The following ITGA7 variants were observed in gnomAD, a reference collection of about 807,000 sequenced individuals.
The protein encoded by ITGA7 is integrin alpha-7.
Under a neutral mutation model 131.6 loss-of-function variants are expected in ITGA7, and 84 were observed. The observed-to-expected ratio is 0.64, with a 90% CI of 0.54 to 0.77. ITGA7 has a LOEUF of 0.77. ITGA7 is among the 30% of genes least tolerant of loss of function. The probability of loss-of-function intolerance (pLI) is 0.00; values close to 1 mark genes in which losing one functional copy is unlikely to be tolerated. For missense variants in ITGA7, 1,399 were observed against 1,482.9 expected (o/e 0.94, Z 0.93); for synonymous variants, 548 against 600.7 (o/e 0.91, Z 1.28).
rs756550161 is a variant in ITGA7, at chr12:55,694,407, A to AC, written c.2357+35dup. 2 of 1,612,108 alleles carry AC rather than the reference A, an allele frequency of 1.2e-6. No individual in the cohort carries two copies. Among genetic ancestry groups the AC allele is most frequent in the South Asian group, 2.2e-5 (2 of 91,042 alleles). The stretch of plus-strand genomic sequence containing the variant: ...GGGGTCAGATGAGGTCAATATGACT[A>AC]CCCCCACCTCACCCTTCCGGCCCCG... On this transcript the variant is annotated intron_variant, in intron 17 of 24. Coordinates refer to ENST00000257879, the MANE Select transcript of ITGA7 (RefSeq NM_002206.3). The surrounding 1 kb of genome is among the most constrained non-coding windows in gnomAD (Gnocchi z 5.3).
chr12:55,692,983 C>T lies in ITGA7; in HGVS notation c.2713-8G>A, dbSNP rs372485093. ...ATCCCTACTGTCCACATCCTGGACA[C>T]GGAAGGGGGGTCTTAGTGAGTGTCC... is the stretch of plus-strand genomic sequence containing the variant. On this transcript the variant is annotated splice_region_variant and splice_polypyrimidine_tract_variant and intron_variant, in intron 20 of 24. Coordinates refer to ENST00000257879, the MANE Select transcript of ITGA7 (RefSeq NM_002206.3). 1.3e-4 allele frequency: 216 copies of T among 1,613,954 alleles called. No individual in the cohort carries two copies. The highest frequency in any genetic ancestry group is 5.9e-4 in the African/African-American group (44 of 75,032).
chr12:55,689,948 T>C (rs1187649146), intron 21 of ITGA7, among the ~76,000 whole-genome samples: 1 of 152,216 alleles, frequency 6.6e-6, no homozygotes, highest in East Asian at 1.9e-4. Context: ...GATCCCTTCC[T>C]AACACCTTAT....
chr12:55,689,068 TC>T, intron 21 of ITGA7, 111 bp from the exon 22 acceptor site: 1 of 785,468 alleles, frequency 1.3e-6, no homozygotes, highest in Non-Finnish European at 2.2e-6. Context: ...CAGGAAGTCT[TC>T]TCAAACTAAT....
In ITGA7 at chr12:55,707,827, C is replaced by T; in HGVS notation, c.-145G>A. 2.1e-6 allele frequency: 3 copies of T among 1,456,732 alleles called. No homozygotes were observed. The highest frequency in any genetic ancestry group is 4.4e-5 in the Admixed American group (2 of 45,290). 90.2% of individuals were successfully genotyped at this position (1,456,732 alleles called of 1,614,324 possible). On this transcript the variant is annotated 5_prime_UTR_variant, in exon 1 of 25. Transcript: ENST00000257879. Reference sequence around the variant, plus strand: ...CAGACGTTCGCCCCGCCAGCCCTCCCGCCCGCCCGCCGCTCCGCCACCCCG... The same window carrying T: ...CAGACGTTCGCCCCGCCAGCCCTCCTGCCCGCCCGCCGCTCCGCCACCCCG...
chr12:55,685,041 G>A lies in ITGA7; in HGVS notation c.*17C>T. 1.3e-6 allele frequency: 2 copies of A among 1,559,924 alleles called. No homozygotes were observed. On this transcript the variant is annotated 3_prime_UTR_variant, in exon 25 of 25. Transcript: ENST00000257879. Reference sequence around the variant, plus strand: ...AGGGATGGAGGGCAGCCACAGGCCAGGCTGGGACATGGGAACCTAGGCGGT... The same window carrying A: ...AGGGATGGAGGGCAGCCACAGGCCAAGCTGGGACATGGGAACCTAGGCGGT...
Position 55,688,966 on chromosome 12 carries a change from A to G in ITGA7, c.2845-9T>C, listed in dbSNP as rs1870868892. The G allele has an allele frequency of 3.1e-6, 5 of 1,610,094 alleles. No homozygotes were observed. The highest frequency in any genetic ancestry group is 1.3e-5 in the African/African-American group (1 of 74,962). On this transcript the variant is annotated splice_polypyrimidine_tract_variant and intron_variant, in intron 21 of 24. Coordinates refer to ENST00000257879, the MANE Select transcript of ITGA7 (RefSeq NM_002206.3). Reference sequence around the variant, plus strand: ...GTGCCCCGGGCGCAGTCCTAGGGATAAGGACAGACAGGGGTCTAAGCCACT... The same window carrying G: ...GTGCCCCGGGCGCAGTCCTAGGGATGAGGACAGACAGGGGTCTAAGCCACT...
Position 55,707,676 on chromosome 12 carries a change from C to G in ITGA7, c.7G>C (p.Gly3Arg). The G allele has an allele frequency of 6.4e-7, 1 of 1,573,976 alleles. No homozygotes were observed. The highest frequency in any genetic ancestry group is 8.6e-7 in the Non-Finnish European group (1 of 1,159,502). Residue 3 changes from glycine to arginine, a missense_variant, in exon 1 of 25, where the codon GGG becomes CGG. By Grantham distance (125) the Gly-to-Arg change is moderately radical. Coordinates refer to ENST00000257879, the MANE Select transcript of ITGA7 (RefSeq NM_002206.3). ...CCCCAAGGGTCGCGGCTCCGAGCCC[C>G]GGCCATGGGACGATCCCTGCGCGAG... MAGARSRDPWGAS... is the reference protein window; with the variant it reads MARARSRDPWGAS...
intron 5 of ITGA7, 133 bp from the exon 6 acceptor site, chr12:55,699,050 C>G: frequency 1.2e-6 from 1 of 802,346 alleles, no homozygotes; most frequent in East Asian, 2.7e-5. Flanking sequence ...ACCCTGCCCC[C>G]TCCCCTAGGT....
At chr12:55,714,234 C>T (rs1340919458), upstream of ITGA7, among the ~76,000 whole-genome samples, 1 of 151,770 alleles carries the variant, frequency 6.6e-6, no homozygotes, top group Non-Finnish European at 1.5e-5. Flanking sequence ...AAAATTAGGC[C>T]GGGCGCGGTG....
At chr12:55,715,348 G>C (rs1472955969), upstream of ITGA7, among the ~76,000 whole-genome samples, 2 of 152,126 alleles carry the variant, frequency 1.3e-5, no homozygotes, top group East Asian at 3.8e-4. Flanking sequence ...GGTGCACCGA[G>C]AGAGATTGTA....
Position 55,695,557 on chromosome 12 carries a change from G to A in ITGA7, c.1968C>T (p.Thr656=). 1.2e-6 allele frequency: 2 copies of A among 1,613,876 alleles called. No individual in the cohort carries two copies. The highest frequency in any genetic ancestry group is 1.7e-6 in the Non-Finnish European group (2 of 1,179,926). Residue 656 remains threonine (T), a synonymous_variant, in exon 14 of 25, where the codon ACC becomes ACT. Coordinates refer to ENST00000257879, the MANE Select transcript of ITGA7 (RefSeq NM_002206.3). ...NLQLVRARFC[T]RVSDTEFQPL... Reference sequence around the variant, plus strand: ...GTTGGAATTCCGTGTCGCTGACCCGGGTACAGAAGCGGGCGCGGACCAGCT... The same window carrying A: ...GTTGGAATTCCGTGTCGCTGACCCGAGTACAGAAGCGGGCGCGGACCAGCT...
At chr12:55,712,097 AATTCTGGT>A, upstream of ITGA7, 1 of 1,551,512 alleles carries the variant, frequency 6.4e-7, no homozygotes, top group Admixed American at 2.0e-5. Flanking sequence ...CCTGCCTCTG[AATTCTGGT>A]TGTAGTCAAA....
intron 8 of ITGA7, 29 bp from the exon 9 acceptor site, chr12:55,697,851 A>C: frequency 6.2e-7 from 1 of 1,613,966 alleles, no homozygotes; most frequent in Non-Finnish European, 8.5e-7. Context: ...GCCTCCCTCA[A>C]TCCCACCTCC....
intron 21 of ITGA7, among the ~76,000 whole-genome samples, chr12:55,690,711 T>G (rs1390279118): frequency 2.0e-5 from 3 of 147,042 alleles, no homozygotes; most frequent in Non-Finnish European, 4.5e-5. Flanking sequence ...AGCAAAGACT[T>G]GGAACCAACC....
chr12:55,697,346 C>A, intron 10 of ITGA7, 69 bp from the exon 11 acceptor site: 1 of 1,568,616 alleles, frequency 6.4e-7, no homozygotes, highest in Admixed American at 1.8e-5. Context: ...CCCACCCCAT[C>A]TGTCACATCC....
intron 4 of ITGA7, chr12:55,700,337 C>T (rs200889850): frequency 6.8e-5 from 109 of 1,610,720 alleles, no homozygotes; most frequent in South Asian, 5.5e-4. Flanking sequence ...TAGGGACCGT[C>T]GTCCAGGTGT....
upstream of ITGA7, among the ~76,000 whole-genome samples, chr12:55,710,532 T>C (rs1404144799): frequency 6.6e-6 from 1 of 152,172 alleles, no homozygotes; most frequent in African/African-American, 2.4e-5. Context: ...ATCCCAGCAC[T>C]TTGAGAGGCC....
chr12:55,696,151 G>T, intron 13 of ITGA7, 132 bp downstream of exon 13: 1 of 974,432 alleles, frequency 1.0e-6, no homozygotes, highest in Non-Finnish European at 1.6e-6. Flanking sequence ...TAGGCACCTA[G>T]AGATATGAGG....
rs1800974 is a variant in ITGA7, at chr12:55,695,573, C to T, written c.1952G>A (p.Arg651His). 849,792 of 1,612,848 alleles carry T rather than the reference C, an allele frequency of 0.53. 233,196 individuals are homozygous for T. The highest frequency in any genetic ancestry group is 0.93 in the East Asian group (41,891 of 44,814). The change falls in exon 14 of 25, where the codon CGC becomes CAC. Residue 651 changes from arginine (R) to histidine (H), a missense_variant. By Grantham distance (29) the Arg-to-His change is conservative. Transcript: ENST00000257879. Reference sequence around the variant, plus strand: ...GCTGACCCGGGTACAGAAGCGGGCGCGGACCAGCTGCAGATTGCTCTGGCA... The same window carrying T: ...GCTGACCCGGGTACAGAAGCGGGCGTGGACCAGCTGCAGATTGCTCTGGCA... ...KICQSNLQLV[R>H]ARFCTRVSDT...
Sources: gnomAD v4.1 joint callset for allele counts (sites outside exome capture counted in the v4.1 genomes callset) on GRCh38, gnomAD v4.1.1 for gene constraint, Gnocchi (gnomAD v3.1) non-coding constraint, MANE v1.5 for transcripts, NCBI Gene and HGNC (gene_info 2026-07-23, HGNC 2026-07-21) for gene names.